Variants in PKHD1L1 observed in about 807,000 individuals in gnomAD.
PKHD1L1 encodes the protein PKHD1 like 1.
In PKHD1L1, 434 loss-of-function variants were observed where a neutral mutation model predicts 462.9. That is an observed-to-expected ratio of 0.94 (90% CI 0.87 to 1.02). PKHD1L1 has a LOEUF of 1.02. Ranked by LOEUF, PKHD1L1 falls within the 50% of genes least tolerant of loss-of-function variation. The pLI is 0.00. For synonymous variants in PKHD1L1, 1,781 were observed against 1,750.0 expected, an observed-to-expected ratio of 1.02 and a Z score of -0.44; for missense variants, 5,202 against 5,096.1, an observed-to-expected ratio of 1.02 and a Z score of -0.63.
intron 45 of PKHD1L1, 131 bp from the exon 46 acceptor site, chr8:109,456,131 T>C: frequency 3.4e-6 from 3 of 886,066 alleles, no homozygotes; most frequent in African/African-American, 1.7e-5. Flanking sequence ...TTTGGAGAAA[T>C]GTGTGAAATG....
chr8:109,476,350 C>T (rs576426957), intron 51 of PKHD1L1, among the ~76,000 whole-genome samples, 158 bp from the exon 52 acceptor site: 93 of 151,814 alleles, frequency 6.1e-4, no homozygotes, highest in Non-Finnish European at 8.1e-4. Flanking sequence ...ACATGTAAAA[C>T]GTTAATAAAC....
chr8:109,376,748 C>A (rs1261740642), intron 2 of PKHD1L1, among the ~76,000 whole-genome samples: 1 of 152,186 alleles, frequency 6.6e-6, no homozygotes, highest in Non-Finnish European at 1.5e-5. Context: ...CATTATACAA[C>A]AATGATCCTT....
chr8:109,440,241 G>A (rs1432933385), intron 32 of PKHD1L1, among the ~76,000 whole-genome samples: 2 of 152,070 alleles, frequency 1.3e-5, no homozygotes, highest in East Asian at 1.9e-4. Context: ...GAAGTAATGG[G>A]AAGGGAGACC....
intron 50 of PKHD1L1, among the ~76,000 whole-genome samples, chr8:109,468,118 T>C (rs1233488743): frequency 1.3e-5 from 2 of 152,150 alleles, no homozygotes; most frequent in Non-Finnish European, 2.9e-5. Flanking sequence ...ATAAACCAAT[T>C]AAGATTTGAA....
intron 2 of PKHD1L1, among the ~76,000 whole-genome samples, chr8:109,366,088 CT>C (rs1318681141): frequency 6.6e-6 from 1 of 152,162 alleles, no homozygotes; most frequent in Non-Finnish European, 1.5e-5. Context: ...CAGATCATCC[CT>C]AGTTTGAAAT....
rs777454213 is a variant in PKHD1L1 at position 109,491,054 on chromosome 8, A to G, written c.10067A>G (p.Asp3356Gly). The G allele has an allele frequency of 2.5e-6, 4 of 1,609,996 alleles. No homozygotes were observed. The highest frequency in any genetic ancestry group is 3.4e-6 in the Non-Finnish European group (4 of 1,177,030). The change falls in exon 61 of 78, where the codon GAT (aspartate) becomes GGT (glycine). Residue 3356 changes from aspartate (D) to glycine (G), a missense_variant. Transcript: ENST00000378402. ...CCAGCAATTGGTGTATTTGGGACAGATGGATTGGACATAGATGACAACATC... is the reference window on the plus strand; with the variant it reads ...CCAGCAATTGGTGTATTTGGGACAGGTGGATTGGACATAGATGACAACATC... ...FSPAIGVFGT[D>G]GLDIDDNIIH...
intron 47 of PKHD1L1, among the ~76,000 whole-genome samples, chr8:109,460,750 TAA>T (rs1312655370): frequency 6.6e-6 from 1 of 152,208 alleles, no homozygotes; most frequent in African/African-American, 2.4e-5. Flanking sequence ...ATTTAAAATA[TAA>T]AAGTCTATTT....
At chr8:109,508,777 C>A (rs1819829589) in intron 70 of PKHD1L1, among the ~76,000 whole-genome samples, 1 of 152,088 alleles carries the variant, frequency 6.6e-6, no homozygotes, top group South Asian at 2.1e-4. Flanking sequence ...CTTTGACTGT[C>A]AAGACCAGCT....
In PKHD1L1 at chr8:109,442,102, G is replaced by C. The variant is rs1433303326; in HGVS notation, c.4300G>C (p.Gly1434Arg). 1 of 1,613,474 alleles carries C rather than the reference G, an allele frequency of 6.2e-7. No individual in the cohort carries two copies. The highest frequency in any genetic ancestry group is 1.1e-5 in the South Asian group (1 of 91,052). ...WHWQTHPFLRGIGYRIFSVSS... is the reference protein window; with the variant it reads ...WHWQTHPFLRRIGYRIFSVSS... ...TTGGCAAACACATCCGTTTCTTAGA[G>C]GGATAGGATATAGGATTTTTTCTGT... Residue 1434 changes from glycine (G) to arginine (R), a missense_variant, in exon 35 of 78, where the codon GGG (glycine) becomes CGG (arginine). Gly to Arg is a moderately radical substitution (Grantham distance 125, BLOSUM62 -2). Coordinates refer to ENST00000378402, the MANE Select transcript of PKHD1L1 (RefSeq NM_177531.6).
chr8:109,421,350 G>GATTAAA (rs1325626787), intron 23 of PKHD1L1, among the ~76,000 whole-genome samples: 2 of 152,058 alleles, frequency 1.3e-5, no homozygotes, highest in East Asian at 3.9e-4. Flanking sequence ...ACAATTTTAT[G>GATTAAA]ATTAAAATTA....
Position 109,449,389 on chromosome 8 carries a change from C to A in PKHD1L1, c.6077C>A (p.Pro2026Gln), listed in dbSNP as rs1275455669. The change falls in exon 40 of 78, where the codon CCA becomes CAA. Residue 2026 changes from proline to glutamine, a missense_variant. Physicochemically the swap from Pro to Gln is moderately conservative, Grantham distance 76. Transcript: ENST00000378402. The stretch of plus-strand genomic sequence containing the variant: ...ACTGTGACAGGCACCGGATTTAATC[C>A]ACAAAATTCAATTATATTAGTTTGT... ...TMTVTGTGFN[P>Q]QNSIILVCGS... 5 of 1,586,866 alleles carry A rather than the reference C, an allele frequency of 3.2e-6. No homozygotes were observed. The highest frequency in any genetic ancestry group is 3.4e-6 in the Non-Finnish European group (4 of 1,165,242).
intron 47 of PKHD1L1, among the ~76,000 whole-genome samples, chr8:109,460,205 G>T (rs1049391929): frequency 1.3e-5 from 2 of 151,988 alleles, no homozygotes; most frequent in Non-Finnish European, 2.9e-5. Context: ...AATATTGTCA[G>T]CAAGAAACTG....
rs1164210231 is a variant in PKHD1L1, at chr8:109,438,477, A to G, written c.3760+21A>G. On this transcript the variant is annotated intron_variant, in intron 31 of 77. Coordinates refer to ENST00000378402, the MANE Select transcript of PKHD1L1 (RefSeq NM_177531.6). ...ACTAGGTAAGAAATTCTTCAATAAG[A>G]TTGGTCATTTGTCCTATGTATAAAA... The G allele has an allele frequency of 3.9e-6, 6 of 1,526,304 alleles. No individual in the cohort carries two copies. The African/African-American group carries it at 7.0e-5, about 18-fold the overall frequency. 94.5% of individuals were successfully genotyped at this position (1,526,304 alleles called of 1,614,324 possible).
At chr8:109,440,886 T>C (rs762215210) in intron 33 of PKHD1L1, 34 bp downstream of exon 33, 2 of 1,598,004 alleles carry the variant, frequency 1.3e-6, no homozygotes, top group African/African-American at 2.7e-5. Context: ...GTGATTATCA[T>C]TTTTCTCAGC....
chr8:109,428,571 A>T (rs1335965270), intron 25 of PKHD1L1, among the ~76,000 whole-genome samples: 1 of 152,210 alleles, frequency 6.6e-6, no homozygotes, highest in Non-Finnish European at 1.5e-5. Context: ...AAAAAAATAC[A>T]TGGCTGGGAA....
rs372389071 is a variant in PKHD1L1, at chr8:109,496,271, G to A, written c.10328-648G>A. ...AAATAATTAATAATAAAAATATCAA[G>A]TGAAAGGAATTTTAATTGTAATGTA... On this transcript the variant is annotated intron_variant, in intron 63 of 77. Transcript: ENST00000378402. 1.8e-4 allele frequency among the ~76,000 whole-genome samples: 27 copies of A among 152,234 alleles called. No individual in the cohort carries two copies. In the South Asian group the frequency reaches 2.5e-3, roughly 14 times the overall value.
In PKHD1L1 at chr8:109,439,103, G is replaced by A; in HGVS notation, c.3956+11G>A. 1 of 1,607,486 alleles carries A rather than the reference G, an allele frequency of 6.2e-7. No homozygotes were observed. The highest frequency in any genetic ancestry group is 8.5e-7 in the Non-Finnish European group (1 of 1,175,712). On this transcript the variant is annotated intron_variant, in intron 32 of 77. Coordinates refer to ENST00000378402, the MANE Select transcript of PKHD1L1 (RefSeq NM_177531.6). Reference sequence around the variant, plus strand: ...TTTTGCATCAACAAGGTATGATAATGAACATAAACTTGATGGAGTTGTAGA... The same window carrying A: ...TTTTGCATCAACAAGGTATGATAATAAACATAAACTTGATGGAGTTGTAGA...
At chr8:109,435,775 C>A (rs1202699008) in intron 29 of PKHD1L1, among the ~76,000 whole-genome samples, 1 of 152,188 alleles carries the variant, frequency 6.6e-6, no homozygotes, top group African/African-American at 2.4e-5. Context: ...GAACATAACA[C>A]ATTTTTCCTG....
chr8:109,373,451 A>G (rs982519240), intron 2 of PKHD1L1, among the ~76,000 whole-genome samples: 15 of 151,040 alleles, frequency 9.9e-5, no homozygotes, highest in Admixed American at 1.3e-4. Flanking sequence ...TTTTCAAAAA[A>G]CCAGCTCCTG....
Sources: gnomAD v4.1 joint callset for allele counts (sites outside exome capture counted in the v4.1 genomes callset) on GRCh38, gnomAD v4.1.1 for gene constraint, MANE v1.5 for transcripts, NCBI Gene and HGNC (gene_info 2026-07-23, HGNC 2026-07-21) for gene names.